The following LDHA variants were observed in gnomAD, a reference collection of about 807,000 sequenced individuals.
LDHA encodes the protein L-lactate dehydrogenase A chain.
In LDHA, 10 loss-of-function variants were observed where a neutral mutation model predicts 36.3. That is an observed-to-expected ratio of 0.28 (90% confidence interval 0.17 to 0.47). The LOEUF (loss-of-function observed/expected upper bound fraction) is 0.47, where lower values mean the gene tolerates loss of function less well. LDHA is among the 20% of genes least tolerant of loss of function. The probability of loss-of-function intolerance (pLI) is 0.99; values close to 1 mark genes in which losing one functional copy is unlikely to be tolerated. For missense variants in LDHA, 267 were observed against 405.8 expected, an observed-to-expected ratio of 0.66 and a Z score of 2.94; for synonymous variants, 110 against 136.7, an observed-to-expected ratio of 0.80 and a Z score of 1.36.
In LDHA at chr11:18,402,866, A is replaced by G. The variant is rs145506651; in HGVS notation, c.445A>G (p.Lys149Glu). The G allele has an allele frequency of 1.8e-5, 29 of 1,612,842 alleles. No individual in the cohort carries two copies. In the African/African-American group the frequency reaches 2.9e-4, roughly 16 times the overall value. ...PVDILTYVAWKISGFPKNRVI... is the reference protein window; with the variant it reads ...PVDILTYVAWEISGFPKNRVI... ...GGATATCTTGACCTACGTGGCTTGG[A>G]AGATAAGTGGTTTTCCCAAAAACCG... The change falls in exon 5 of 8, where the codon AAG becomes GAG. Residue 149 changes from lysine to glutamate, a missense_variant. Coordinates refer to ENST00000422447, the MANE Select transcript of LDHA (RefSeq NM_005566.4).
chr11:18,394,714 G>C (rs1466385721), intron 1 of LDHA, 78 bp downstream of exon 1: 5 of 449,448 alleles, frequency 1.1e-5, no homozygotes, highest in East Asian at 1.4e-4. Flanking sequence ...GCTGGCCTCC[G>C]CTGCTCGCGA....
chr11:18,403,639 A>T, intron 5 of LDHA, 55 bp from the exon 6 acceptor site: 1 of 1,101,420 alleles, frequency 9.1e-7, no homozygotes, highest in Non-Finnish European at 1.4e-6. Flanking sequence ...AATGAATCAC[A>T]ATTACTAATC....
chr11:18,402,664 A>T (rs1866547809), intron 4 of LDHA, 176 bp from the exon 5 acceptor site: 1 of 613,190 alleles, frequency 1.6e-6, no homozygotes, highest in East Asian at 2.9e-5. Flanking sequence ...ATATTAACAA[A>T]ATTATTGGTT....
chr11:18,401,638 T>C (rs1866507140), intron 4 of LDHA, among the ~76,000 whole-genome samples: 1 of 151,188 alleles, frequency 6.6e-6, no homozygotes, highest in East Asian at 2.0e-4. Context: ...CCACGACGCC[T>C]GGCTAATTTT....
intron 1 of LDHA, chr11:18,396,608 A>C: frequency 7.2e-7 from 1 of 1,382,066 alleles, no homozygotes; most frequent in Non-Finnish European, 9.3e-7. Context: ...TTTCCACGCT[A>C]AGGTATGGGC....
chr11:18,399,166 C>T (rs1380783514), intron 2 of LDHA: 10 of 448,410 alleles, frequency 2.2e-5, no homozygotes, highest in Non-Finnish European at 4.1e-5. Flanking sequence ...GTCCAGTGTT[C>T]TGCTTCCACA....
chr11:18,404,807 C>CAAAAAAAA lies in LDHA; in HGVS notation c.711-639_711-632dup, dbSNP rs10684351. On this transcript the variant is annotated intron_variant, in intron 6 of 7. Transcript: ENST00000422447. ...TGGGCGACAGAGCGAGACTCCGTCT[C>CAAAAAAAA]AAAAAAAAAAGAATCATAATCTTTA... 1.9e-4 allele frequency among the ~76,000 whole-genome samples: 24 copies of CAAAAAAAA among 125,526 alleles called. 3 individuals are homozygous for CAAAAAAAA. Among genetic ancestry groups the CAAAAAAAA allele is most frequent in the Middle Eastern group, 4.8e-3 (1 of 208 alleles). The allele number at this position is 125,526 out of a possible 152,430, so 82.3% of individuals were successfully genotyped here.
In LDHA at chr11:18,407,372, A is replaced by C. The variant is rs770066988; in HGVS notation, c.*91A>C. 5 of 1,606,090 alleles carry C rather than the reference A, an allele frequency of 3.1e-6. No homozygotes were observed. In the African/African-American group the frequency reaches 6.7e-5, roughly 22 times the overall value. On this transcript the variant is annotated 3_prime_UTR_variant, in exon 8 of 8. Coordinates refer to ENST00000422447, the MANE Select transcript of LDHA (RefSeq NM_005566.4). ...TGTTGTCCTTTTTATCTGATCTGTG[A>C]TTAAAGCAGTAATATTTTAAGATGG...
At chr11:18,405,241 T>C (rs1866643529) in intron 6 of LDHA, among the ~76,000 whole-genome samples, 1 of 152,186 alleles carries the variant, frequency 6.6e-6, no homozygotes, top group South Asian at 2.1e-4. Context: ...ATTGGAAAGA[T>C]TGTCATGTTT....
In LDHA at chr11:18,396,211, G is replaced by T. The variant is rs116817482; in HGVS notation, c.-24-608G>T. On this transcript the variant is annotated intron_variant, in intron 1 of 7. Coordinates refer to ENST00000422447, the MANE Select transcript of LDHA (RefSeq NM_005566.4). ...TAGACTAATCGGCTTCGCCCTGCGC[G>T]CTGTAATGCGCATGCGCACGCGCAC... 551 of 266,348 alleles carry T rather than the reference G, an allele frequency of 2.1e-3. 6 individuals are homozygous for T. The highest frequency in any genetic ancestry group is 0.011 in the African/African-American group (517 of 45,720). 16.5% of individuals were successfully genotyped at this position (266,348 alleles called of 1,614,324 possible).
At position 18,401,021 on chromosome 11, in the gene LDHA, T is replaced by C. The variant is rs189053762; in HGVS notation, c.418+11T>C. On this transcript the variant is annotated intron_variant, in intron 4 of 7. Transcript: ENST00000422447. ...TTGTTTCAAATCCAGGTGAGGCTTT[T>C]GACTGCATAAAAATTGACAAGCTAT... The C allele has an allele frequency of 6.2e-7, 1 of 1,605,046 alleles. No individual in the cohort carries two copies. The highest frequency in any genetic ancestry group is 1.7e-5 in the Admixed American group (1 of 59,836).
chr11:18,399,843 C>G (rs1242783569), intron 3 of LDHA: 1 of 360,786 alleles, frequency 2.8e-6, no homozygotes, highest in Non-Finnish European at 5.3e-6. Flanking sequence ...GATCCTCCCT[C>G]CTTAGCCTTC....
At chr11:18,402,779 A>G (rs1490455234) in intron 4 of LDHA, 61 bp from the exon 5 acceptor site, 4 of 1,246,502 alleles carry the variant, frequency 3.2e-6, no homozygotes, top group African/African-American at 1.5e-5. Context: ...CATAGTAGGT[A>G]TATCTTTTTT....
intron 3 of LDHA, 130 bp downstream of exon 3, chr11:18,399,678 T>C (rs1259037592): frequency 1.3e-6 from 1 of 744,390 alleles, no homozygotes. Context: ...AACCCTGGGC[T>C]CAAGCAATCC....
chr11:18,405,707 T>A, intron 7 of LDHA, 135 bp downstream of exon 7: 5 of 943,090 alleles, frequency 5.3e-6, no homozygotes, highest in Non-Finnish European at 8.3e-6. Context: ...ACAGCTTACC[T>A]TTTTTGAAAG....
At chr11:18,400,456 CACACA>C (rs1565036310) in intron 3 of LDHA, 1 of 23,126 alleles carries the variant, frequency 4.3e-5, no homozygotes, top group African/African-American at 1.0e-4. Context: ...CACACACACA[CACACA>C]CACACACACA....
intron 2 of LDHA, 172 bp from the exon 3 acceptor site, chr11:18,399,259 G>A (rs1332597052): frequency 1.6e-6 from 1 of 614,210 alleles, no homozygotes; most frequent in East Asian, 3.0e-5. Context: ...TATGTAGGGT[G>A]TAATCTGTAA....
intron 3 of LDHA, chr11:18,400,170 A>T (rs1338398645): frequency 5.6e-6 from 1 of 178,166 alleles, no homozygotes; most frequent in Non-Finnish European, 1.2e-5. Flanking sequence ...CGAAGTTGAG[A>T]ATAGGGTAAA....
intron 1 of LDHA, chr11:18,394,960 G>A (rs1866240960): frequency 1.1e-5 from 3 of 285,524 alleles, no homozygotes; most frequent in Admixed American, 9.0e-5. Flanking sequence ...TAAGGGTGGG[G>A]GATACCTCTG....
Sources: allele counts gnomAD v4.1 joint callset (sites outside exome capture counted in the v4.1 genomes callset), GRCh38; gene constraint gnomAD v4.1.1; transcripts MANE v1.5; gene names NCBI Gene and HGNC (gene_info 2026-07-23, HGNC 2026-07-21).